The following CNTN5 variants were observed in gnomAD, a reference collection of about 807,000 sequenced individuals.
CNTN5 encodes contactin 5, also known as contactin-5.
A neutral mutation model predicts 129.1 loss-of-function variants in CNTN5; 77 were observed. The observed-to-expected ratio is 0.60, with a 90% CI of 0.50 to 0.72. The LOEUF (loss-of-function observed/expected upper bound fraction) is 0.72. CNTN5 is among the 30% of genes least tolerant of loss of function. CNTN5 has a pLI of 0.00. For synonymous variants in CNTN5, 509 were observed against 465.6 expected (o/e 1.09, Z -1.20); for missense variants, 1,478 against 1,328.8 (o/e 1.11, Z -1.75).
At chr11:99,961,192 G>T (rs1370813116) in intron 8 of CNTN5, among the ~76,000 whole-genome samples, 1 of 110,020 alleles carries the variant, frequency 9.1e-6, no homozygotes, top group African/African-American at 3.8e-5. Context: ...GCCATAGAGT[G>T]AGACTCCGTC....
intron 4 of CNTN5, among the ~76,000 whole-genome samples, chr11:99,834,507 C>G (rs998701323): frequency 2.6e-5 from 4 of 152,072 alleles, no homozygotes; most frequent in African/African-American, 9.7e-5. Flanking sequence ...CGGAGCAAGA[C>G]CTTGTTTCAA....
At chr11:99,489,271 G>C (rs941823716) in intron 2 of CNTN5, among the ~76,000 whole-genome samples, 1 of 152,126 alleles carries the variant, frequency 6.6e-6, no homozygotes, top group Admixed American at 6.5e-5. Flanking sequence ...AGGTGAGTTT[G>C]CATTACTCTA....
intron 1 of CNTN5, among the ~76,000 whole-genome samples, chr11:99,161,190 G>T (rs918374394): frequency 5.3e-5 from 8 of 152,108 alleles, no homozygotes; most frequent in African/African-American, 1.9e-4. Context: ...CTGCAAATGT[G>T]AGTAGGAAGC....
At chr11:99,840,075 G>A (rs1947434464) in intron 4 of CNTN5, among the ~76,000 whole-genome samples, 1 of 151,980 alleles carries the variant, frequency 6.6e-6, no homozygotes, top group South Asian at 2.1e-4. Context: ...AGAATCCTGT[G>A]GGTGTCCATG....
intron 1 of CNTN5, among the ~76,000 whole-genome samples, chr11:99,179,762 A>G (rs1460027822): frequency 6.6e-6 from 1 of 152,176 alleles, no homozygotes; most frequent in Non-Finnish European, 1.5e-5. Context: ...TTGAGACATA[A>G]GTGTTACAGA....
chr11:99,565,939 A>AATTAATAATAATAGTGATATC, intron 3 of CNTN5, among the ~76,000 whole-genome samples: 1 of 152,346 alleles, frequency 6.6e-6, no homozygotes, highest in African/African-American at 2.4e-5. Context: ...TGGTATAAAC[A>AATTAATAATAATAGTGATATC]ATTAATAATA....
chr11:99,765,089 G>C (rs58118045), intron 3 of CNTN5, among the ~76,000 whole-genome samples: 1,771 of 152,048 alleles, frequency 0.012, 21 homozygotes, highest in Middle Eastern at 0.062. Flanking sequence ...AGATATGGAA[G>C]ATAATGGTGT....
rs75587399 is a variant in CNTN5 at position 99,199,945 on chromosome 11, G to A, written c.-209-125401G>A. 1.7e-3 allele frequency among the ~76,000 whole-genome samples: 257 copies of A among 151,244 alleles called. 9 individuals are homozygous for A. In the East Asian group the frequency reaches 0.04, roughly 24 times the overall value. On this transcript the variant is annotated intron_variant, in intron 1 of 24. Transcript: ENST00000524871. ...GTTATTAATGCAAGAAATACTTTGC[G>A]AACACCAATATATATCCATCAACAT...
chr11:100,203,196 A>G (rs762613832), intron 15 of CNTN5, among the ~76,000 whole-genome samples: 1 of 152,064 alleles, frequency 6.6e-6, no homozygotes, highest in Non-Finnish European at 1.5e-5. Context: ...ATATCCTACT[A>G]CACTTGCCTC....
intron 1 of CNTN5, among the ~76,000 whole-genome samples, chr11:99,178,490 C>T (rs1249460025): frequency 6.6e-6 from 1 of 152,016 alleles, no homozygotes; most frequent in African/African-American, 2.4e-5. Flanking sequence ...CACTGTACTC[C>T]AGCCTGGGTG....
At chr11:100,289,521 T>G (rs962455536) in intron 18 of CNTN5, among the ~76,000 whole-genome samples, 43 of 152,032 alleles carry the variant, frequency 2.8e-4, no homozygotes, top group African/African-American at 1.0e-3. Context: ...CATGATTATC[T>G]CAATAGCAGC....
At chr11:99,413,896 T>C (rs2135021651) in intron 2 of CNTN5, among the ~76,000 whole-genome samples, 1 of 152,332 alleles carries the variant, frequency 6.6e-6, no homozygotes, top group Admixed American at 6.5e-5. Context: ...CTGTCTAGAA[T>C]AAATTGATTT....
chr11:99,255,414 AAGTGAAGAAAGCTTTTACCAACG>A (rs1224422680), intron 1 of CNTN5, among the ~76,000 whole-genome samples: 1 of 151,702 alleles, frequency 6.6e-6, no homozygotes, highest in African/African-American at 2.4e-5. Flanking sequence ...ATGACATACA[AAGTGAAGAAAGCTTTTACCAACG>A]TAAATTCTGT....
intron 1 of CNTN5, among the ~76,000 whole-genome samples, chr11:99,060,841 A>G (rs1257817398): frequency 6.6e-6 from 1 of 152,118 alleles, no homozygotes; most frequent in Non-Finnish European, 1.5e-5. Context: ...TCAAAGTGAT[A>G]TGTCTTCAGT....
chr11:99,885,745 G>T (rs563173667), intron 6 of CNTN5, among the ~76,000 whole-genome samples: 165 of 152,084 alleles, frequency 1.1e-3, no homozygotes, highest in African/African-American at 3.6e-3. Context: ...AAAGAGATAA[G>T]ACAAAAAATA....
intron 1 of CNTN5, among the ~76,000 whole-genome samples, chr11:99,076,936 A>AT: frequency 6.6e-6 from 1 of 152,074 alleles, no homozygotes; most frequent in African/African-American, 2.4e-5. Flanking sequence ...TTATTTTGTT[A>AT]TTTTTCTGCT....
chr11:99,305,724 T>A (rs1239696730), intron 1 of CNTN5, among the ~76,000 whole-genome samples: 1 of 152,114 alleles, frequency 6.6e-6, no homozygotes, highest in African/African-American at 2.4e-5. Flanking sequence ...CTCACACCTG[T>A]AATCCCAACA....
chr11:99,934,184 T>C (rs559801956), intron 7 of CNTN5, among the ~76,000 whole-genome samples: 1 of 152,336 alleles, frequency 6.6e-6, no homozygotes, highest in South Asian at 2.1e-4. Context: ...TTTCCATTTC[T>C]GTCTGAAGAA....
At chr11:99,839,573 T>C (rs1184820962) in intron 4 of CNTN5, among the ~76,000 whole-genome samples, 2 of 151,998 alleles carry the variant, frequency 1.3e-5, no homozygotes, top group Non-Finnish European at 2.9e-5. Flanking sequence ...AAAAAGGAAA[T>C]AGGGTTAATA....
Sources: allele counts gnomAD v4.1 joint callset (sites outside exome capture counted in the v4.1 genomes callset), GRCh38; gene constraint gnomAD v4.1.1; transcripts MANE v1.5; gene names NCBI Gene and HGNC (gene_info 2026-07-23, HGNC 2026-07-21).